CEP63: variants seen among roughly 807,000 people sequenced by gnomAD.
CEP63 encodes centrosomal protein of 63 kDa.
Under a neutral mutation model 89.1 loss-of-function variants are expected in CEP63, and 84 were observed. The observed-to-expected ratio is 0.94, with a 90% CI of 0.79 to 1.13. The LOEUF is 1.13. CEP63 is among the 50% of genes most tolerant of loss of function. CEP63 has a pLI of 0.00. For missense variants in CEP63, 838 were observed against 813.3 expected, an observed-to-expected ratio of 1.03 and a Z score of -0.37; for synonymous variants, 267 against 272.5, an observed-to-expected ratio of 0.98 and a Z score of 0.20.
the CEP63 span, chr3:134,603,822 C>A: frequency 5.6e-6 from 9 of 1,613,814 alleles, no homozygotes; most frequent in South Asian, 8.8e-5. Flanking sequence ...GAGGTTCCAG[C>A]AGCTCATTGT....
At chr3:134,761,970 C>T in the CEP63 span, among the ~76,000 whole-genome samples, 1 of 152,190 alleles carries the variant, frequency 6.6e-6, no homozygotes, top group African/African-American at 2.4e-5. Context: ...CAAAAACTTT[C>T]AGCCGTTCTT....
the CEP63 span, among the ~76,000 whole-genome samples, chr3:134,728,686 A>T: frequency 6.6e-6 from 1 of 152,242 alleles, no homozygotes; most frequent in Non-Finnish European, 1.5e-5. Context: ...CAGAAGTTGC[A>T]AAGGATGCTT....
chr3:134,603,320 A>AT, the CEP63 span: 1 of 392,438 alleles, frequency 2.5e-6, no homozygotes, highest in Non-Finnish European at 4.6e-6. Context: ...TGTACAGTTT[A>AT]CAATACCTTA....
the CEP63 span, among the ~76,000 whole-genome samples, chr3:134,597,197 T>C: frequency 6.6e-6 from 1 of 152,252 alleles, no homozygotes; most frequent in East Asian, 1.9e-4. Context: ...CTCTTGGCTG[T>C]TGTGTTGAGG....
chr3:134,510,571 A>G (rs1944611831), intron 3 of CEP63: 1 of 565,446 alleles, frequency 1.8e-6, no homozygotes, highest in Non-Finnish European at 3.2e-6. Flanking sequence ...CTGTGAACAC[A>G]TTTGGGGCAC....
intron 3 of CEP63, among the ~76,000 whole-genome samples, chr3:134,529,035 A>G (rs1949317882): frequency 6.6e-6 from 1 of 152,172 alleles, no homozygotes; most frequent in Admixed American, 6.5e-5. Flanking sequence ...TATGAAGCAA[A>G]ACATAATCAT....
chr3:134,486,177 G>A lies in CEP63; in HGVS notation c.-51G>A. 1 of 985,580 alleles carries A rather than the reference G, an allele frequency of 1.0e-6. No individual in the cohort carries two copies. The highest frequency in any genetic ancestry group is 1.2e-6 in the Non-Finnish European group (1 of 830,012). The allele number at this position is 985,580 out of a possible 1,614,324, so 61.1% of individuals were successfully genotyped here. A position where few individuals can be genotyped will look rare whatever the true frequency, so the allele number is the denominator to read the frequency against. On this transcript the variant is annotated 5_prime_UTR_variant, in exon 1 of 15. Transcript: ENST00000675561. ...GAGGCTGGACGTAAGCTTAGCGGTGGCGCGCGTGCGCAGCGCCGGCCCGAG... is the reference window on the plus strand; with the variant it reads ...GAGGCTGGACGTAAGCTTAGCGGTGACGCGCGTGCGCAGCGCCGGCCCGAG...
In CEP63 at chr3:134,545,480, G is replaced by A. The variant is rs188290618; in HGVS notation, c.556-106G>A. ...AATATATATATATATATTTTAGTGA[G>A]CCAATGCTTTATGTTTTTATGGAAA... On this transcript the variant is annotated intron_variant, in intron 6 of 14. Coordinates refer to ENST00000675561, the MANE Select transcript of CEP63 (RefSeq NM_001353108.3). 2.1e-4 allele frequency: 174 copies of A among 834,050 alleles called. No individual in the cohort carries two copies. In the African/African-American group the frequency reaches 2.7e-3, roughly 13 times the overall value. The allele number at this position is 834,050 out of a possible 1,614,324, so 51.7% of individuals were successfully genotyped here.
At chr3:134,529,038 A>G (rs556904447) in intron 3 of CEP63, among the ~76,000 whole-genome samples, 1 of 152,322 alleles carries the variant, frequency 6.6e-6, no homozygotes, top group Admixed American at 6.5e-5. Context: ...GAAGCAAAAC[A>G]TAATCATAAT....
the CEP63 span, among the ~76,000 whole-genome samples, chr3:134,604,779 C>G: frequency 8.4e-3 from 1,275 of 152,284 alleles, 22 homozygotes; most frequent in African/African-American, 0.029. Flanking sequence ...TGTGTGCATC[C>G]TGCCCAATTG....
the CEP63 span, among the ~76,000 whole-genome samples, chr3:134,672,014 C>A: frequency 6.6e-6 from 1 of 152,114 alleles, no homozygotes; most frequent in Non-Finnish European, 1.5e-5. Context: ...AGATGGTTGT[C>A]AAGTAATACC....
chr3:134,579,926 G>C (rs1310282841), downstream of CEP63, among the ~76,000 whole-genome samples: 1 of 152,144 alleles, frequency 6.6e-6, no homozygotes, highest in Non-Finnish European at 1.5e-5. Flanking sequence ...AGGGCTGGGC[G>C]TGGTGGCTCA....
chr3:134,639,039 T>C, the CEP63 span, among the ~76,000 whole-genome samples: 4 of 83,644 alleles, frequency 4.8e-5, no homozygotes, highest in Non-Finnish European at 9.6e-5. Flanking sequence ...GGTTGGCACA[T>C]TTACAGCCTT....
the CEP63 span, among the ~76,000 whole-genome samples, chr3:134,656,078 C>T: frequency 1.3e-5 from 2 of 152,158 alleles, no homozygotes; most frequent in African/African-American, 4.8e-5. Flanking sequence ...GAAGACGTTT[C>T]CCAGCACAGA....
the CEP63 span, among the ~76,000 whole-genome samples, chr3:134,677,568 C>T: frequency 0.92 from 139,773 of 152,008 alleles, 64,318 homozygotes; most frequent in East Asian, 1. Flanking sequence ...TCCTCGATGG[C>T]CCCTGATTTC....
chr3:134,567,467 CA>C (rs61700362), downstream of CEP63, among the ~76,000 whole-genome samples: 3,081 of 134,066 alleles, frequency 0.023, 107 homozygotes, highest in African/African-American at 0.078. Context: ...TCACTGTTAC[CA>C]AAAAAAAAAA....
chr3:134,545,550 C>T (rs1183227517), intron 6 of CEP63, 36 bp from the exon 7 acceptor site: 1 of 1,397,648 alleles, frequency 7.2e-7, no homozygotes, highest in East Asian at 2.3e-5. Flanking sequence ...TTTATCATTT[C>T]CCTTTTACCT....
At chr3:134,604,003 G>T in the CEP63 span, 2 of 1,613,800 alleles carry the variant, frequency 1.2e-6, no homozygotes, top group Non-Finnish European at 1.7e-6. Context: ...TTTCAGCTCG[G>T]TCTGCTTCTC....
At chr3:134,713,597 A>C in the CEP63 span, among the ~76,000 whole-genome samples, 1 of 152,080 alleles carries the variant, frequency 6.6e-6, no homozygotes, top group South Asian at 2.1e-4. Context: ...CAGCCACTCT[A>C]CCTGGGGGAT....
Sources: allele counts gnomAD v4.1 joint callset (sites outside exome capture counted in the v4.1 genomes callset), GRCh38; gene constraint gnomAD v4.1.1; transcripts MANE v1.5; gene names NCBI Gene and HGNC (gene_info 2026-07-23, HGNC 2026-07-21).